ADGRG2: variants seen among roughly 807,000 people sequenced by gnomAD.
ADGRG2 encodes adhesion G protein-coupled receptor G2, also known as G protein-coupled receptor 64.
A neutral mutation model predicts 74.1 loss-of-function variants in ADGRG2; 26 were observed. The ratio of observed to expected loss-of-function variants is 0.35; its 90% CI spans 0.26 to 0.49. The LOEUF is 0.49. ADGRG2 is among the 20% of genes least tolerant of loss of function. The pLI is 0.99. For missense variants in ADGRG2, 619 were observed against 763.1 expected, an observed-to-expected ratio of 0.81 and a Z score of 2.22; for synonymous variants, 296 against 295.2, an observed-to-expected ratio of 1.00 and a Z score of -0.03.
At chrX:19,086,285 C>G (rs1046299755) in intron 1 of ADGRG2, among the ~76,000 whole-genome samples, 2 of 111,094 alleles carry the variant, frequency 1.8e-5, no homozygotes, top group Non-Finnish European at 1.9e-5. Context: ...GGAACCATAT[C>G]AACTTATGTA....
chrX:19,097,794 C>A (rs1407182795), intron 1 of ADGRG2, among the ~76,000 whole-genome samples: 1 of 112,138 alleles, frequency 8.9e-6, no homozygotes, highest in Non-Finnish European at 1.9e-5. Flanking sequence ...TAAGTAAATA[C>A]CATGTGCTAG....
chrX:19,025,831 G>A (rs150569719), intron 11 of ADGRG2, among the ~76,000 whole-genome samples: 2,171 of 110,195 alleles, frequency 0.02, 60 homozygotes, highest in African/African-American at 0.068. Flanking sequence ...GGAGGGTGGA[G>A]GTTGCAGTGA....
At chrX:19,101,680 C>T (rs2050349764) in intron 1 of ADGRG2, among the ~76,000 whole-genome samples, 1 of 106,997 alleles carries the variant, frequency 9.3e-6, no homozygotes, top group African/African-American at 3.4e-5. Flanking sequence ...CAGCCTGGGC[C>T]ATAGAGTGAG....
chrX:19,054,507 T>C (rs2061378894), intron 3 of ADGRG2, among the ~76,000 whole-genome samples: 1 of 111,906 alleles, frequency 8.9e-6, no homozygotes, highest in African/African-American at 3.2e-5. Flanking sequence ...AAGGAAAAAC[T>C]TGAAAAGTAC....
At chrX:19,047,962 A>C (rs2061229022) in intron 3 of ADGRG2, among the ~76,000 whole-genome samples, 1 of 111,968 alleles carries the variant, frequency 8.9e-6, no homozygotes, top group African/African-American at 3.2e-5. Flanking sequence ...ATCATTAAAA[A>C]AAACTTCGGC....
At chrX:19,055,564 T>A (rs987031518) in intron 3 of ADGRG2, among the ~76,000 whole-genome samples, 4 of 111,021 alleles carry the variant, frequency 3.6e-5, no homozygotes, top group African/African-American at 1.3e-4. Flanking sequence ...ATAGAGCACT[T>A]CCGTTATTGC....
intron 1 of ADGRG2, among the ~76,000 whole-genome samples, chrX:19,112,063 AATTATTATT>A (rs746582476): frequency 9.2e-6 from 1 of 108,440 alleles, no homozygotes; most frequent in Admixed American, 1.0e-4. Flanking sequence ...ATCTAAAGGG[AATTATTATT>A]ATTATTATTA....
intron 1 of ADGRG2, among the ~76,000 whole-genome samples, chrX:19,104,033 G>C (rs1172330241): frequency 9.0e-6 from 1 of 111,670 alleles, no homozygotes; most frequent in Non-Finnish European, 1.9e-5. Context: ...ACTTCAGTCT[G>C]GGGAAGAAGG....
intron 1 of ADGRG2, among the ~76,000 whole-genome samples, chrX:19,093,055 G>T (rs139122242): frequency 1.7e-3 from 185 of 111,724 alleles, no homozygotes; most frequent in African/African-American, 5.5e-3. Flanking sequence ...TAGAAAAGGG[G>T]ATCGTGTTTT....
At position 18,999,349 on chromosome X, in the gene ADGRG2, C is replaced by A. The variant is rs751625919; in HGVS notation, c.2331-70G>T. The A allele has an allele frequency of 2.4e-3, 2,107 of 881,317 alleles. 3 individuals carry two copies. The highest frequency in any genetic ancestry group is 2.8e-3 in the Non-Finnish European group (1,742 of 630,903). 72.6% of individuals were successfully genotyped at this position (881,317 alleles called of 1,213,427 possible). ...TAATGAACTAGAGTTCAAAATGATA[C>A]AATGAATCTCTAACATTTTACTGAA... is the stretch of plus-strand genomic sequence containing the variant. On this transcript the variant is annotated intron_variant, in intron 25 of 28. Transcript: ENST00000379869.
At chrX:19,070,147 G>A (rs987204575) in intron 2 of ADGRG2, among the ~76,000 whole-genome samples, 2 of 112,345 alleles carry the variant, frequency 1.8e-5, no homozygotes, top group South Asian at 3.7e-4. Context: ...CTGAGTAAGC[G>A]AGCCACTCCT....
At chrX:19,008,482 A>G (rs778643380) in intron 18 of ADGRG2, among the ~76,000 whole-genome samples, 1 of 111,008 alleles carries the variant, frequency 9.0e-6, no homozygotes, top group Non-Finnish European at 1.9e-5. Context: ...CCTGGCCAAC[A>G]TGGCGCAGCC....
chrX:19,002,067 T>C (rs1024295651), intron 24 of ADGRG2, among the ~76,000 whole-genome samples: 4 of 111,231 alleles, frequency 3.6e-5, no homozygotes, highest in Non-Finnish European at 1.9e-5. Context: ...GCAAAACCAC[T>C]GGTAAGTGCC....
At chrX:19,056,673 G>A (rs1429136636) in intron 3 of ADGRG2, among the ~76,000 whole-genome samples, 4 of 112,006 alleles carry the variant, frequency 3.6e-5, no homozygotes, top group Non-Finnish European at 5.6e-5. Context: ...TCCTTAGCCA[G>A]CCTTTATACA....
At chrX:19,022,345 C>G (rs1176728524) in intron 13 of ADGRG2, among the ~76,000 whole-genome samples, 3 of 111,570 alleles carry the variant, frequency 2.7e-5, no homozygotes, top group African/African-American at 9.8e-5. Context: ...TCTGTCCTTT[C>G]TACTTTAGCC....
At chrX:18,993,437 C>T (rs1231141570) in intron 28 of ADGRG2, among the ~76,000 whole-genome samples, 1 of 109,434 alleles carries the variant, frequency 9.1e-6, no homozygotes, top group African/African-American at 3.3e-5. Context: ...AATCCCAGCA[C>T]TTTGGGAGGC....
intron 1 of ADGRG2, among the ~76,000 whole-genome samples, chrX:19,107,811 A>G (rs2062334737): frequency 9.1e-6 from 1 of 110,207 alleles, no homozygotes; most frequent in East Asian, 2.8e-4. Flanking sequence ...GAAAAAAATT[A>G]AAGTATAGGC....
chrX:19,042,450 A>G (rs940904588), intron 3 of ADGRG2, among the ~76,000 whole-genome samples: 3 of 110,784 alleles, frequency 2.7e-5, no homozygotes, highest in Non-Finnish European at 3.8e-5. Context: ...TTCACTGACA[A>G]TTTTGCCCGG....
intron 2 of ADGRG2, among the ~76,000 whole-genome samples, chrX:19,079,615 T>C (rs1281598204): frequency 8.9e-6 from 1 of 112,156 alleles, no homozygotes; most frequent in Admixed American, 9.5e-5. Context: ...AGCAGCCTTG[T>C]ATGTTGTTTG....
Sources: allele counts gnomAD v4.1 joint callset (sites outside exome capture counted in the v4.1 genomes callset), GRCh38; gene constraint gnomAD v4.1.1; transcripts MANE v1.5; gene names NCBI Gene and HGNC (gene_info 2026-07-23, HGNC 2026-07-21).